ZFAND3: variants seen among roughly 807,000 people sequenced by gnomAD.
The protein encoded by ZFAND3 is zinc finger AN1-type containing 3.
In ZFAND3, 10 loss-of-function variants were observed where a neutral mutation model predicts 29.6. That is an observed-to-expected ratio of 0.34 (90% CI 0.21 to 0.57). The LOEUF is 0.57. Among genes scored for constraint, ZFAND3 ranks in the 20% least tolerant of loss-of-function variants. The pLI, the probability that ZFAND3 is intolerant of heterozygous loss-of-function variation, is 0.86. For missense variants in ZFAND3, 230 were observed against 304.5 expected, an observed-to-expected ratio of 0.76 and a Z score of 1.82; for synonymous variants, 128 against 112.6, an observed-to-expected ratio of 1.14 and a Z score of -0.87.
intron 2 of ZFAND3, among the ~76,000 whole-genome samples, chr6:37,955,530 G>T (rs1762072904): frequency 6.6e-6 from 1 of 152,154 alleles, no homozygotes; most frequent in Non-Finnish European, 1.5e-5. Context: ...GGATAGAAAG[G>T]CTCAGTGTTG....
chr6:37,997,447 G>A (rs540134397), intron 2 of ZFAND3, among the ~76,000 whole-genome samples: 1 of 152,300 alleles, frequency 6.6e-6, no homozygotes, highest in African/African-American at 2.4e-5. Flanking sequence ...TTTGTCATTC[G>A]TACAGAAAGC....
At chr6:37,869,847 C>T (rs566371500) in intron 1 of ZFAND3, among the ~76,000 whole-genome samples, 1 of 151,662 alleles carries the variant, frequency 6.6e-6, no homozygotes, top group Admixed American at 6.6e-5. Context: ...AAAAAATTAA[C>T]TCTTGCCTTT....
At chr6:38,103,579 C>T (rs1765151323) in intron 4 of ZFAND3, among the ~76,000 whole-genome samples, 1 of 140,956 alleles carries the variant, frequency 7.1e-6, no homozygotes, top group Non-Finnish European at 1.6e-5. Flanking sequence ...TCTCAAGTTT[C>T]TCTCTTTTGG....
chr6:37,987,251 G>C (rs756236100), intron 2 of ZFAND3, among the ~76,000 whole-genome samples: 4 of 152,164 alleles, frequency 2.6e-5, no homozygotes, highest in African/African-American at 9.7e-5. Context: ...CAGAGGTTGC[G>C]GGTGGTGATG....
chr6:37,879,370 G>T (rs1764851067), intron 1 of ZFAND3, among the ~76,000 whole-genome samples: 1 of 151,718 alleles, frequency 6.6e-6, no homozygotes, highest in South Asian at 2.1e-4. Context: ...GGGTGGTGGT[G>T]GTGCAGGGAG....
At chr6:37,894,686 G>A (rs1291157595) in intron 1 of ZFAND3, among the ~76,000 whole-genome samples, 1 of 151,906 alleles carries the variant, frequency 6.6e-6, no homozygotes, top group Non-Finnish European at 1.5e-5. Context: ...TATTTCTTGT[G>A]GTGCAGATCT....
chr6:38,144,209 A>G (rs1325326000), intron 5 of ZFAND3, among the ~76,000 whole-genome samples: 1 of 42,750 alleles, frequency 2.3e-5, no homozygotes, highest in Non-Finnish European at 4.8e-5. Context: ...ATATATATAT[A>G]TAATATATAA....
intron 2 of ZFAND3, among the ~76,000 whole-genome samples, chr6:37,962,422 A>G (rs1762213679): frequency 6.6e-6 from 1 of 152,214 alleles, no homozygotes; most frequent in Non-Finnish European, 1.5e-5. Context: ...ATAGGCATAG[A>G]AAGTTTATTC....
At chr6:37,911,514 C>CT (rs1316601173) in intron 1 of ZFAND3, among the ~76,000 whole-genome samples, 2 of 152,150 alleles carry the variant, frequency 1.3e-5, no homozygotes, top group East Asian at 1.9e-4. Flanking sequence ...ACTCTGTTGA[C>CT]TGTTTCCTTT....
At chr6:37,963,975 A>G (rs1037486870) in intron 2 of ZFAND3, among the ~76,000 whole-genome samples, 6 of 152,144 alleles carry the variant, frequency 3.9e-5, no homozygotes, top group African/African-American at 1.2e-4. Flanking sequence ...AGAATTGTCA[A>G]CTGTTTTTGG....
intron 2 of ZFAND3, among the ~76,000 whole-genome samples, chr6:38,014,216 CTT>C (rs1465348865): frequency 2.0e-5 from 3 of 151,982 alleles, no homozygotes; most frequent in Non-Finnish European, 2.9e-5. Context: ...GTTTGTAAAA[CTT>C]TTTAAAAGTT....
chr6:38,025,419 A>G (rs1763429117), intron 2 of ZFAND3, among the ~76,000 whole-genome samples: 1 of 152,244 alleles, frequency 6.6e-6, no homozygotes, highest in Non-Finnish European at 1.5e-5. Context: ...GGTATGGAAG[A>G]AAAGATAATT....
chr6:37,979,500 T>A (rs1762545510), intron 2 of ZFAND3, among the ~76,000 whole-genome samples: 1 of 152,172 alleles, frequency 6.6e-6, no homozygotes, highest in African/African-American at 2.4e-5. Context: ...GTGTGTGTGT[T>A]TAAAAGTGGG....
chr6:38,044,310 T>C (rs1581866711), intron 2 of ZFAND3, among the ~76,000 whole-genome samples: 1 of 152,226 alleles, frequency 6.6e-6, no homozygotes, highest in East Asian at 1.9e-4. Flanking sequence ...ATGGAGAAGA[T>C]TTATTTAATT....
intron 5 of ZFAND3, among the ~76,000 whole-genome samples, chr6:38,122,541 A>G (rs1327999254): frequency 6.6e-6 from 1 of 152,154 alleles, no homozygotes; most frequent in Non-Finnish European, 1.5e-5. Flanking sequence ...CTCTTGTGGC[A>G]TACTTCCCAT....
intron 2 of ZFAND3, among the ~76,000 whole-genome samples, chr6:38,053,126 C>G (rs1297240294): frequency 6.6e-6 from 1 of 151,288 alleles, no homozygotes; most frequent in Non-Finnish European, 1.5e-5. Context: ...CTGGAGATGG[C>G]TAAAGCAAGG....
chr6:38,088,290 A>G (rs1179993778), intron 4 of ZFAND3: 1 of 152,238 alleles, frequency 6.6e-6, no homozygotes, highest in East Asian at 1.9e-4. Context: ...AGCCAGGCAC[A>G]GAAAGACAAA....
chr6:37,878,170 C>T (rs188545939), intron 1 of ZFAND3, among the ~76,000 whole-genome samples: 98 of 152,302 alleles, frequency 6.4e-4, no homozygotes, highest in African/African-American at 2.3e-3. Context: ...CCAATCCAAT[C>T]CCTATTTGAT....
intron 2 of ZFAND3, among the ~76,000 whole-genome samples, chr6:37,970,746 A>G (rs551983374): frequency 7.0e-3 from 95 of 13,648 alleles, no homozygotes; most frequent in Middle Eastern, 0.038. Context: ...TACTAAAAAT[A>G]TAAAAAAAAT....
Sources: allele counts gnomAD v4.1 joint callset (sites outside exome capture counted in the v4.1 genomes callset), GRCh38; gene constraint gnomAD v4.1.1; transcripts MANE v1.5; gene names NCBI Gene and HGNC (gene_info 2026-07-23, HGNC 2026-07-21).